Variants in PCLO observed in about 807,000 individuals in gnomAD.
The protein encoded by PCLO is piccolo presynaptic cytomatrix protein.
In PCLO, 82 loss-of-function variants were observed where a neutral mutation model predicts 427.5. The ratio of observed to expected loss-of-function variants is 0.19; its 90% CI spans 0.16 to 0.23. PCLO has a LOEUF of 0.23. Ranked by LOEUF, PCLO falls within the 10% of genes least tolerant of loss-of-function variation. The probability of loss-of-function intolerance (pLI) is 1.00; values close to 1 mark genes in which losing one functional copy is unlikely to be tolerated. For missense variants in PCLO, 6,239 were observed against 6,115.9 expected (o/e 1.02, Z -0.67); for synonymous variants, 2,357 against 2,155.4 (o/e 1.09, Z -2.59).
intron 22 of PCLO, among the ~76,000 whole-genome samples, chr7:82,797,681 A>C (rs1791255581): frequency 6.6e-6 from 1 of 152,136 alleles, no homozygotes; most frequent in South Asian, 2.1e-4. Context: ...TTACATATGC[A>C]CTTAATTAAA....
Position 82,761,397 on chromosome 7 carries a change from T to C in PCLO, c.15104A>G (p.Asn5035Ser). The C allele has an allele frequency of 6.5e-7, 1 of 1,534,226 alleles. No homozygotes were observed. Among genetic ancestry groups the C allele is most frequent in the South Asian group, 1.2e-5 (1 of 86,770 alleles). The change falls in exon 23 of 25, where the codon AAT becomes AGT. Residue 5035 changes from asparagine to serine, a missense_variant. By Grantham distance (46) the Asn-to-Ser change is conservative. Around this residue, in one of 5 missense-constraint regions of PCLO, gnomAD observed 877 missense variants for 925.5 expected, o/e 0.95. Transcript: ENST00000333891. ...AGGAGACTTAAATTTGTATGTAATA[T>C]TTCTGCATTGGAGAATTTCAACTAT... ...QLIVEILQCR[N>S]ITYKFKSPDH...
At chr7:82,803,325 T>TA (rs898814532) in intron 21 of PCLO, among the ~76,000 whole-genome samples, 1 of 152,084 alleles carries the variant, frequency 6.6e-6, no homozygotes, top group African/African-American at 2.4e-5. Flanking sequence ...ATCAGAATAC[T>TA]AAAAAATAAA....
chr7:82,767,308 T>C (rs1790552485), intron 22 of PCLO, among the ~76,000 whole-genome samples: 1 of 152,110 alleles, frequency 6.6e-6, no homozygotes, highest in Non-Finnish European at 1.5e-5. Flanking sequence ...AAATTAATCC[T>C]ACTCTAGAGA....
chr7:83,111,646 C>T (rs1203915670), intron 3 of PCLO, among the ~76,000 whole-genome samples: 3 of 152,196 alleles, frequency 2.0e-5, no homozygotes, highest in Non-Finnish European at 4.4e-5. Flanking sequence ...ACCTGAGTAA[C>T]TCCAGATAGG....
chr7:83,134,927 A>G lies in PCLO; in HGVS notation c.2623T>C (p.Ser875Pro). The G allele has an allele frequency of 6.2e-7, 1 of 1,604,286 alleles. No homozygotes were observed. Among genetic ancestry groups the G allele is most frequent in the Non-Finnish European group, 8.5e-7 (1 of 1,175,814 alleles). ...GGTCGTGGGCCAGGGGGTGTTGGTGACCCTTTTGGCATTGGCTTGGCATCT... is the reference window on the plus strand; with the variant it reads ...GGTCGTGGGCCAGGGGGTGTTGGTGGCCCTTTTGGCATTGGCTTGGCATCT... ...KPDAKPMPKG[S>P]PTPPGPRPTA... The change falls in exon 3 of 25, where the codon TCA becomes CCA. Residue 875 changes from serine (S) to proline (P), a missense_variant. This residue lies in a region of PCLO where 4,677 missense variants were observed against 4,468.4 expected (regional missense o/e 1.05). Coordinates refer to ENST00000333891, the MANE Select transcript of PCLO (RefSeq NM_033026.6).
chr7:82,804,064 T>C (rs1791411633), intron 21 of PCLO, among the ~76,000 whole-genome samples: 1 of 152,150 alleles, frequency 6.6e-6, no homozygotes, highest in Admixed American at 6.5e-5. Flanking sequence ...GCAGAAAAAT[T>C]GGAAGGATAA....
chr7:82,942,191 G>A (rs1039443655), intron 6 of PCLO, among the ~76,000 whole-genome samples: 1 of 152,224 alleles, frequency 6.6e-6, no homozygotes, highest in South Asian at 2.1e-4. Flanking sequence ...AAAGAGTAGT[G>A]AACTGTTAAG....
chr7:83,118,946 T>C (rs1005358714), intron 3 of PCLO, among the ~76,000 whole-genome samples: 2 of 152,082 alleles, frequency 1.3e-5, no homozygotes, highest in African/African-American at 4.8e-5. Context: ...GGAGTGACTC[T>C]TTCCCCTTGC....
At chr7:82,886,771 C>T (rs550550072) in intron 9 of PCLO, among the ~76,000 whole-genome samples, 20 of 152,156 alleles carry the variant, frequency 1.3e-4, no homozygotes, top group African/African-American at 4.1e-4. Context: ...TATCTGGAAG[C>T]GACAAAAATG....
chr7:83,090,104 A>C (rs139793500), intron 3 of PCLO, among the ~76,000 whole-genome samples: 3,013 of 152,180 alleles, frequency 0.02, 115 homozygotes, highest in African/African-American at 0.07. Context: ...AGAGATCGAG[A>C]CCATCCTGGC....
chr7:83,070,440 T>C lies in PCLO; in HGVS notation c.3300+63810A>G, dbSNP rs1385951475. On this transcript the variant is annotated intron_variant, in intron 3 of 24. Transcript: ENST00000333891. ...TCTCGCTCTGTCACCCAGGCTAGAG[T>C]GCAGTGGCGTGATCTCAGCTCAGTG... Among the ~76,000 whole-genome samples the C allele has an allele frequency of 2.7e-5, 4 of 149,720 alleles. No individual in the cohort carries two copies. The East Asian group carries it at 5.9e-4, about 22-fold the overall frequency.
chr7:83,135,465 G>T lies in PCLO; in HGVS notation c.2085C>A (p.Ser695=), dbSNP rs376728722. ...GTGGCTTTTTAGGCTCAGGTGCCTT[G>T]GAGAGATCCTGTTTTGGTGCAGCAT... is the stretch of plus-strand genomic sequence containing the variant. The part of the protein sequence containing the change: ...KKDAAPKQDL[S]KAPEPKKPPP... Residue 695 remains serine, a synonymous_variant, in exon 3 of 25, where the codon TCC becomes TCA. Coordinates refer to ENST00000333891, the MANE Select transcript of PCLO (RefSeq NM_033026.6). The T allele has an allele frequency of 1.2e-6, 2 of 1,613,736 alleles. No individual in the cohort carries two copies. The highest frequency in any genetic ancestry group is 2.2e-5 in the South Asian group (2 of 91,058).
intron 3 of PCLO, among the ~76,000 whole-genome samples, chr7:82,989,759 T>C (rs948133918): frequency 6.6e-6 from 1 of 152,134 alleles, no homozygotes; most frequent in African/African-American, 2.4e-5. Context: ...CTTGTGAAAT[T>C]TCCCTTCTCC....
chr7:82,887,748 A>G (rs1260200637), intron 9 of PCLO, among the ~76,000 whole-genome samples: 1 of 152,208 alleles, frequency 6.6e-6, no homozygotes, highest in Non-Finnish European at 1.5e-5. Context: ...AAGAGATTCA[A>G]TCTGAGCTTT....
At chr7:83,072,285 T>C (rs2116359971) in intron 3 of PCLO, among the ~76,000 whole-genome samples, 1 of 152,190 alleles carries the variant, frequency 6.6e-6, no homozygotes, top group African/African-American at 2.4e-5. Context: ...GAACACATAT[T>C]TTAGAATAAA....
At chr7:83,078,354 TAA>T (rs1790008089) in intron 3 of PCLO, among the ~76,000 whole-genome samples, 1 of 152,016 alleles carries the variant, frequency 6.6e-6, no homozygotes, top group South Asian at 2.1e-4. Context: ...CAAAATAGCC[TAA>T]GTCAACCTTT....
chr7:82,911,631 AT>A (rs1037277998), intron 7 of PCLO, among the ~76,000 whole-genome samples: 7 of 149,740 alleles, frequency 4.7e-5, no homozygotes, highest in Non-Finnish European at 7.4e-5. Context: ...GATGAAGCAC[AT>A]TTTTTTTTTG....
At chr7:83,108,787 GATT>G (rs893893030) in intron 3 of PCLO, among the ~76,000 whole-genome samples, 5 of 146,658 alleles carry the variant, frequency 3.4e-5, no homozygotes, top group Non-Finnish European at 4.5e-5. Context: ...TAATGAAAGA[GATT>G]ATATTATCAT....
intron 3 of PCLO, among the ~76,000 whole-genome samples, chr7:83,086,505 T>C (rs1201964207): frequency 2.0e-5 from 3 of 152,004 alleles, no homozygotes; most frequent in Non-Finnish European, 4.4e-5. Context: ...AAACATTTCC[T>C]AAGATAGAGG....
Sources: gnomAD v4.1 joint callset for allele counts (sites outside exome capture counted in the v4.1 genomes callset) on GRCh38, gnomAD v4.1.1 for gene constraint, gnomAD v4.1.1 regional missense constraint, MANE v1.5 for transcripts, NCBI Gene and HGNC (gene_info 2026-07-23, HGNC 2026-07-21) for gene names.